Variants in DENND4A observed in about 807,000 individuals in gnomAD.
The protein encoded by DENND4A is DENN domain containing 4A, also known as C-myc promoter-binding protein.
A neutral mutation model predicts 199.3 loss-of-function variants in DENND4A; 70 were observed. That is an observed-to-expected ratio of 0.35 (90% confidence interval 0.29 to 0.43). DENND4A has a LOEUF of 0.43. Ranked by LOEUF, DENND4A falls within the 20% of genes least tolerant of loss-of-function variation. The probability of loss-of-function intolerance (pLI) is 1.00; values close to 1 mark genes in which losing one functional copy is unlikely to be tolerated. For synonymous variants in DENND4A, 686 were observed against 766.9 expected, an observed-to-expected ratio of 0.89 and a Z score of 1.74; for missense variants, 1,723 against 2,255.8, an observed-to-expected ratio of 0.76 and a Z score of 4.78.
intron 1 of DENND4A, among the ~76,000 whole-genome samples, chr15:65,770,370 T>TA (rs1294605509): frequency 6.6e-6 from 1 of 152,196 alleles, no homozygotes; most frequent in Non-Finnish European, 1.5e-5. Context: ...TGGTGGCCTT[T>TA]AAAGTATTGG....
chr15:65,768,000 A>T (rs530975926), intron 1 of DENND4A, among the ~76,000 whole-genome samples: 1 of 152,248 alleles, frequency 6.6e-6, no homozygotes, highest in South Asian at 2.1e-4. Flanking sequence ...AGGTGCTCTT[A>T]CCCCACTTCC....
chr15:65,666,262 TAAAAC>T (rs1401389152), intron 29 of DENND4A, among the ~76,000 whole-genome samples: 2 of 152,098 alleles, frequency 1.3e-5, no homozygotes, highest in Non-Finnish European at 2.9e-5. Flanking sequence ...ATAGAACAAT[TAAAAC>T]AATATGCCAG....
At chr15:65,736,340 C>A (rs1480412347) in intron 7 of DENND4A, among the ~76,000 whole-genome samples, 1 of 151,980 alleles carries the variant, frequency 6.6e-6, no homozygotes, top group Non-Finnish European at 1.5e-5. Context: ...CTCACTGCAA[C>A]CTCCGCCTCC....
At position 65,748,568 on chromosome 15, in the gene DENND4A, AT is replaced by A. The variant is rs201860221; in HGVS notation, c.561+3810del. Among the ~76,000 whole-genome samples, 712 of 151,612 alleles carry A rather than the reference AT, an allele frequency of 4.7e-3. 8 individuals are homozygous for A. The highest frequency in any genetic ancestry group is 0.016 in the African/African-American group (673 of 41,384). On this transcript the variant is annotated intron_variant, in intron 4 of 32. Transcript: ENST00000443035. The stretch of plus-strand genomic sequence containing the variant: ...CAGGAGTTTGAGGCTACAAAGAGCT[AT>A]GATCATGCTACTGATGTACTCCAGC...
intron 25 of DENND4A, 56 bp from the exon 26 acceptor site, chr15:65,670,244 A>G: frequency 1.5e-6 from 2 of 1,332,348 alleles, no homozygotes; most frequent in Non-Finnish European, 2.0e-6. Flanking sequence ...ATTATGAATT[A>G]AAAACCATTT....
chr15:65,758,017 T>A (rs7167567), intron 2 of DENND4A, among the ~76,000 whole-genome samples: 81,590 of 151,864 alleles, frequency 0.54, 23,721 homozygotes, highest in East Asian at 0.81. Context: ...AGCTAGTGAT[T>A]CCCCTTGAAA....
Position 65,670,020 on chromosome 15 carries a change from G to T in DENND4A, c.4633C>A (p.Pro1545Thr). The T allele has an allele frequency of 6.3e-7, 1 of 1,592,574 alleles. No individual in the cohort carries two copies. The highest frequency in any genetic ancestry group is 8.6e-7 in the Non-Finnish European group (1 of 1,167,774). Residue 1545 changes from proline (P) to threonine (T), a missense_variant, in exon 26 of 33, where the codon CCT becomes ACT. By Grantham distance (38) the Pro-to-Thr change is conservative (BLOSUM62 -1). This residue lies in a region of DENND4A where 141 missense variants were observed against 170.7 expected (regional missense o/e 0.83). Transcript: ENST00000443035. ...LNIEIRDLRR[P>T]GRYFLKSSPS... is the part of the protein sequence containing the mutation. ...GGAAAAAAATATCATTACCTTCCAGGTCGTCTTAAATCTCTTATTTCTATA... is the reference window on the plus strand; with the variant it reads ...GGAAAAAAATATCATTACCTTCCAGTTCGTCTTAAATCTCTTATTTCTATA...
rs532107341 is a variant in DENND4A, at chr15:65,756,752, C to T, written c.-22-280G>A. On this transcript the variant is annotated intron_variant, in intron 2 of 32. Coordinates refer to ENST00000443035, the MANE Select transcript of DENND4A (RefSeq NM_001320835.1). ...AAAGAGATCTTTTTAAATGCACAGT[C>T]TGGCCAGGTGCAGTGGCTCACGCCT... is the stretch of plus-strand genomic sequence containing the variant. 3.3e-5 allele frequency among the ~76,000 whole-genome samples: 5 copies of T among 152,322 alleles called. No homozygotes were observed. The South Asian group carries it at 1.0e-3, about 32-fold the overall frequency.
intron 23 of DENND4A, among the ~76,000 whole-genome samples, chr15:65,677,927 CTTTT>C (rs11071847): frequency 2.0e-4 from 20 of 100,100 alleles, no homozygotes; most frequent in Non-Finnish European, 3.5e-4. Context: ...CCTCTTATCT[CTTTT>C]TTTTTTTTTT....
rs184556397 is a variant in DENND4A, at chr15:65,670,202, T to C, written c.4465-14A>G. On this transcript the variant is annotated splice_polypyrimidine_tract_variant and intron_variant, in intron 25 of 32. Transcript: ENST00000443035. ...TGAGATGAGAACCTGTGGGAGAAGA[T>C]AGCACTTTATAAAGAAAGCTGGTTA... 181 of 1,476,362 alleles carry C rather than the reference T, an allele frequency of 1.2e-4. 2 individuals carry two copies. The African/African-American group carries it at 2.0e-3, about 16-fold the overall frequency. 91.5% of individuals were successfully genotyped at this position (1,476,362 alleles called of 1,614,324 possible).
At chr15:65,725,019 A>G (rs2075760364) in intron 11 of DENND4A, among the ~76,000 whole-genome samples, 1 of 152,224 alleles carries the variant, frequency 6.6e-6, no homozygotes, top group East Asian at 1.9e-4. Flanking sequence ...ATCTGATCAC[A>G]TCTAATTACT....
chr15:65,728,326 T>C (rs1159180340), intron 11 of DENND4A, among the ~76,000 whole-genome samples: 1 of 152,062 alleles, frequency 6.6e-6, no homozygotes, highest in African/African-American at 2.4e-5. Context: ...TCTAATAGTA[T>C]TATAAAAGAC....
In DENND4A at chr15:65,673,730, C is replaced by A. The variant is rs114513569; in HGVS notation, c.4370-1844G>T. ...GAAAACGAGCTGAAATCTCACTGTC[C>A]TTTAAGATGCTTAGCACTGGTGGTA... On this transcript the variant is annotated intron_variant, in intron 24 of 32. Transcript: ENST00000443035. Among the ~76,000 whole-genome samples the A allele has an allele frequency of 2.6e-3, 391 of 152,128 alleles. 1 individual carries two copies. The highest frequency in any genetic ancestry group is 9.1e-3 in the African/African-American group (377 of 41,496).
chr15:65,755,231 T>G (rs1442106117), intron 3 of DENND4A, among the ~76,000 whole-genome samples: 1 of 152,192 alleles, frequency 6.6e-6, no homozygotes, highest in Non-Finnish European at 1.5e-5. Context: ...AAAGGCTAAG[T>G]GAGTTAGGAA....
chr15:65,715,894 GCT>G (rs773433646), intron 13 of DENND4A, among the ~76,000 whole-genome samples: 29 of 152,078 alleles, frequency 1.9e-4, no homozygotes, highest in Non-Finnish European at 2.9e-4. Flanking sequence ...TTTGAAAATT[GCT>G]CTCTTTTCCC....
rs2076094252 is a variant in DENND4A at position 65,667,916 on chromosome 15, A to G, written c.4986+9T>C. 1 of 1,591,926 alleles carries G rather than the reference A, an allele frequency of 6.3e-7. No individual in the cohort carries two copies. The highest frequency in any genetic ancestry group is 1.2e-5 in the South Asian group (1 of 86,622). On this transcript the variant is annotated intron_variant, in intron 28 of 32. Coordinates refer to ENST00000443035, the MANE Select transcript of DENND4A (RefSeq NM_001320835.1). ...ATTTCCAAATAAAAAAATACACCAAAATACATACTGTAGCTCCTTGTAAAG... is the reference window on the plus strand; with the variant it reads ...ATTTCCAAATAAAAAAATACACCAAGATACATACTGTAGCTCCTTGTAAAG...
At chr15:65,695,198 G>A (rs1355338271) in intron 22 of DENND4A, among the ~76,000 whole-genome samples, 13 of 152,088 alleles carry the variant, frequency 8.5e-5, no homozygotes, top group Admixed American at 7.9e-4. Flanking sequence ...AGTAGGTTCC[G>A]CAAACTTTTT....
intron 2 of DENND4A, among the ~76,000 whole-genome samples, chr15:65,759,742 C>T (rs1450921218): frequency 6.6e-6 from 1 of 152,182 alleles, no homozygotes; most frequent in East Asian, 1.9e-4. Flanking sequence ...AGCAGTTTTA[C>T]CCAATTGACC....
intron 5 of DENND4A, among the ~76,000 whole-genome samples, chr15:65,739,377 G>A (rs1296053796): frequency 2.0e-5 from 3 of 152,132 alleles, no homozygotes; most frequent in African/African-American, 4.8e-5. Context: ...CTTAGGAATA[G>A]TATCAACTCA....
Sources: allele counts gnomAD v4.1 joint callset (sites outside exome capture counted in the v4.1 genomes callset), GRCh38; gene constraint gnomAD v4.1.1; regional missense constraint gnomAD v4.1.1; transcripts MANE v1.5; gene names NCBI Gene and HGNC (gene_info 2026-07-23, HGNC 2026-07-21).